The following MAGI2 variants were observed in gnomAD, a reference collection of about 807,000 sequenced individuals.
MAGI2 encodes the protein membrane-associated guanylate kinase, WW and PDZ domain-containing protein 2.
Under a neutral mutation model 133.3 loss-of-function variants are expected in MAGI2, and 35 were observed. That is an observed-to-expected ratio of 0.26 (90% CI 0.20 to 0.35). The LOEUF (loss-of-function observed/expected upper bound fraction) is 0.35. Ranked by LOEUF, MAGI2 falls within the 10% of genes least tolerant of loss-of-function variation. MAGI2 has a pLI of 1.00. For missense variants in MAGI2, 1,636 were observed against 1,863.4 expected (o/e 0.88, Z 2.25); for synonymous variants, 729 against 710.6 (o/e 1.03, Z -0.41).
Position 79,215,088 on chromosome 7 carries a change from T to C in MAGI2, c.302-207882A>G, listed in dbSNP as rs77468567. Among the ~76,000 whole-genome samples, 5 of 151,584 alleles carry C rather than the reference T, an allele frequency of 3.3e-5. No homozygotes were observed. The South Asian group carries it at 6.2e-4, about 19-fold the overall frequency. ...GCATTCCAAAGTAAAGCAGAAAAAC[T>C]AGTTCAGGTCATGATGGAAAGAGGA... On this transcript the variant is annotated intron_variant, in intron 1 of 21. Coordinates refer to ENST00000354212, the MANE Select transcript of MAGI2 (RefSeq NM_012301.4).
chr7:78,945,948 TATA>T (rs1312099100), intron 2 of MAGI2, among the ~76,000 whole-genome samples: 2 of 152,206 alleles, frequency 1.3e-5, no homozygotes, highest in Admixed American at 6.6e-5. Flanking sequence ...TCCCAGCATT[TATA>T]ATGTTATCAG....
intron 2 of MAGI2, among the ~76,000 whole-genome samples, chr7:78,789,864 G>A (rs1827121141): frequency 6.6e-6 from 1 of 152,030 alleles, no homozygotes; most frequent in Non-Finnish European, 1.5e-5. Flanking sequence ...CAAAACATGG[G>A]TACTGAGGTC....
Position 79,389,200 on chromosome 7 carries a change from A to G in MAGI2, c.301+63820T>C, listed in dbSNP as rs142084345. Among the ~76,000 whole-genome samples the G allele has an allele frequency of 2.0e-3, 299 of 152,172 alleles. 1 individual carries two copies. Among genetic ancestry groups the G allele is most frequent in the African/African-American group, 6.9e-3 (286 of 41,560 alleles). ...CTTAATTAATAAATTAAGATAATCT[A>G]TATTTTTAATTTTAACATTGACAGA... On this transcript the variant is annotated intron_variant, in intron 1 of 21. Coordinates refer to ENST00000354212, the MANE Select transcript of MAGI2 (RefSeq NM_012301.4).
chr7:78,234,161 C>A (rs1459324158), intron 10 of MAGI2, among the ~76,000 whole-genome samples: 2 of 152,098 alleles, frequency 1.3e-5, no homozygotes, highest in African/African-American at 4.8e-5. Flanking sequence ...GTATTAATCC[C>A]AAATTTATAG....
At chr7:78,817,948 T>G (rs1215267881) in intron 2 of MAGI2, among the ~76,000 whole-genome samples, 1 of 152,080 alleles carries the variant, frequency 6.6e-6, no homozygotes, top group Admixed American at 6.6e-5. Flanking sequence ...TTATACATAT[T>G]GGGAAACCAA....
At position 78,619,516 on chromosome 7, in the gene MAGI2, T is replaced by C. The variant is rs141555118; in HGVS notation, c.538+7604A>G. ...TAGTCTTTAAGTTAATAATTTTATATGATTTATATGATAATATTAAAATCA... is the reference window on the plus strand; with the variant it reads ...TAGTCTTTAAGTTAATAATTTTATACGATTTATATGATAATATTAAAATCA... On this transcript the variant is annotated intron_variant, in intron 3 of 21. Coordinates refer to ENST00000354212, the MANE Select transcript of MAGI2 (RefSeq NM_012301.4). Among the ~76,000 whole-genome samples the C allele has an allele frequency of 2.6e-3, 399 of 152,076 alleles. 4 individuals are homozygous for C. The highest frequency in any genetic ancestry group is 9.1e-3 in the African/African-American group (377 of 41,550).
At chr7:78,067,131 G>T (rs1170350578) in intron 21 of MAGI2, among the ~76,000 whole-genome samples, 1 of 152,210 alleles carries the variant, frequency 6.6e-6, no homozygotes, top group Non-Finnish European at 1.5e-5. Context: ...AATGTCAGAA[G>T]TAGAAATTAA....
intron 6 of MAGI2, among the ~76,000 whole-genome samples, chr7:78,461,709 C>T (rs1019265762): frequency 2.0e-5 from 3 of 151,108 alleles, no homozygotes; most frequent in African/African-American, 7.3e-5. Flanking sequence ...GTCGGGAGTC[C>T]GAGAGCAGCC....
At chr7:79,223,030 A>G (rs1011471405) in intron 1 of MAGI2, among the ~76,000 whole-genome samples, 2 of 151,832 alleles carry the variant, frequency 1.3e-5, no homozygotes, top group Non-Finnish European at 2.9e-5. Context: ...GACTACAGGC[A>G]CCCGCTACCG....
At chr7:79,056,437 T>C (rs758618008) in intron 1 of MAGI2, among the ~76,000 whole-genome samples, 2 of 152,204 alleles carry the variant, frequency 1.3e-5, no homozygotes, top group African/African-American at 4.8e-5. Context: ...GAAAGGACCT[T>C]AGTCTTAATT....
At chr7:78,065,681 C>G in intron 21 of MAGI2, 1 of 640,006 alleles carries the variant, frequency 1.6e-6, no homozygotes, top group Non-Finnish European at 2.8e-6. Flanking sequence ...AGGGGAGGAA[C>G]AGCCTAGGAC....
At chr7:78,674,781 A>T (rs1814807793) in intron 2 of MAGI2, among the ~76,000 whole-genome samples, 1 of 152,144 alleles carries the variant, frequency 6.6e-6, no homozygotes, top group South Asian at 2.1e-4. Context: ...AAGACCATGG[A>T]CAGTTACTAG....
chr7:78,792,841 A>G (rs1323991070), intron 2 of MAGI2, among the ~76,000 whole-genome samples: 2 of 152,238 alleles, frequency 1.3e-5, no homozygotes, highest in Non-Finnish European at 2.9e-5. Context: ...AAATGAGAAC[A>G]TTCTCGGCAT....
At chr7:78,076,373 C>T (rs923154784) in intron 21 of MAGI2, among the ~76,000 whole-genome samples, 1 of 148,608 alleles carries the variant, frequency 6.7e-6, no homozygotes, top group Non-Finnish European at 1.5e-5. Flanking sequence ...GCTGAAGAAT[C>T]GCTTGAGCCT....
intron 12 of MAGI2, among the ~76,000 whole-genome samples, chr7:78,193,841 C>G (rs995973930): frequency 6.6e-6 from 1 of 152,100 alleles, no homozygotes; most frequent in South Asian, 2.1e-4. Flanking sequence ...AACTATTTTT[C>G]AACCAAAATT....
chr7:79,022,519 C>T (rs1809439001), intron 1 of MAGI2, among the ~76,000 whole-genome samples: 5 of 151,716 alleles, frequency 3.3e-5, no homozygotes. Context: ...CAAGAAATAA[C>T]CAAAATCAGA....
chr7:78,421,961 T>C (rs1798841118), intron 6 of MAGI2, among the ~76,000 whole-genome samples: 2 of 152,210 alleles, frequency 1.3e-5, no homozygotes, highest in African/African-American at 2.4e-5. Flanking sequence ...CCAGCAAGGA[T>C]ATATCAATAC....
intron 6 of MAGI2, among the ~76,000 whole-genome samples, chr7:78,446,498 G>C (rs1788153516): frequency 6.6e-6 from 1 of 152,062 alleles, no homozygotes; most frequent in South Asian, 2.1e-4. Context: ...GAGGCAAATA[G>C]TTATGAGTTA....
chr7:78,889,665 G>C (rs1173593441), intron 2 of MAGI2, among the ~76,000 whole-genome samples: 1 of 152,144 alleles, frequency 6.6e-6, no homozygotes, highest in Non-Finnish European at 1.5e-5. Context: ...ATACTTTACA[G>C]ACAAGCAAAT....
Sources: allele counts gnomAD v4.1 joint callset (sites outside exome capture counted in the v4.1 genomes callset), GRCh38; gene constraint gnomAD v4.1.1; transcripts MANE v1.5; gene names NCBI Gene and HGNC (gene_info 2026-07-23, HGNC 2026-07-21).